Variants in CASK observed in about 807,000 individuals in gnomAD.
The protein encoded by CASK is calcium/calmodulin dependent serine protein kinase, also known as peripheral plasma membrane protein CASK.
A neutral mutation model predicts 82.9 loss-of-function variants in CASK; 4 were observed. The ratio of observed to expected loss-of-function variants is 0.05; its 90% confidence interval spans 0.02 to 0.11. CASK has a LOEUF of 0.11. CASK is among the 10% of genes least tolerant of loss of function. CASK has a pLI of 1.00. For missense variants in CASK, 358 were observed against 720.9 expected, an observed-to-expected ratio of 0.50 and a Z score of 5.76; for synonymous variants, 259 against 253.5, an observed-to-expected ratio of 1.02 and a Z score of -0.20.
At chrX:41,628,345 C>T (rs2066414168) in intron 9 of CASK, among the ~76,000 whole-genome samples, 2 of 111,986 alleles carry the variant, frequency 1.8e-5, no homozygotes. Flanking sequence ...GCTCTGTTGC[C>T]CAGGCTGGAG....
At chrX:41,765,330 C>A (rs2069090719) in intron 3 of CASK, among the ~76,000 whole-genome samples, 1 of 112,126 alleles carries the variant, frequency 8.9e-6, no homozygotes, top group Admixed American at 9.5e-5. Context: ...CTTTAAATCA[C>A]AATTTAAAAT....
chrX:41,545,639 C>T (rs189848427), intron 21 of CASK, among the ~76,000 whole-genome samples: 115 of 111,772 alleles, frequency 1.0e-3, no homozygotes, highest in African/African-American at 3.6e-3. Flanking sequence ...CTATTCCCGA[C>T]CTTGTGCATT....
intron 2 of CASK, among the ~76,000 whole-genome samples, chrX:41,827,249 G>A (rs1313426094): frequency 1.8e-5 from 2 of 111,690 alleles, no homozygotes; most frequent in African/African-American, 6.5e-5. Context: ...AGTTAAATAC[G>A]GTAAGCCAGA....
intron 9 of CASK, among the ~76,000 whole-genome samples, chrX:41,636,258 TTTAAG>T (rs1288067544): frequency 8.9e-6 from 1 of 111,822 alleles, no homozygotes; most frequent in Non-Finnish European, 1.9e-5. Context: ...TGTCAAAATA[TTTAAG>T]TTTGAAAAAA....
rs1368225080 is a variant in CASK, at chrX:41,665,424, T to G, written c.561A>C (p.Ala187=). 1 of 1,206,152 alleles carries G rather than the reference T, an allele frequency of 8.3e-7. No homozygotes were observed. Among genetic ancestry groups the G allele is most frequent in the Non-Finnish European group, 1.1e-6 (1 of 892,622 alleles). ...AAGGCTCTCTTTTGACCACTTCTGG[T>G]GCCATAAAATGAGGTGTTCCAACAC... is the stretch of plus-strand genomic sequence containing the variant. ...GGRVGTPHFM[A]PEVVKREPYG... Residue 187 remains alanine, a synonymous_variant, in exon 7 of 27, where the codon GCA becomes GCC. Transcript: ENST00000378163.
At chrX:41,777,985 AT>A (rs767469618) in intron 3 of CASK, among the ~76,000 whole-genome samples, 113 of 111,706 alleles carry the variant, frequency 1.0e-3, no homozygotes, top group African/African-American at 3.4e-3. Context: ...ACTATAGGGA[AT>A]TTATTAAACA....
At chrX:41,898,350 C>T (rs2072308703) in intron 1 of CASK, among the ~76,000 whole-genome samples, 2 of 111,322 alleles carry the variant, frequency 1.8e-5, no homozygotes, top group Non-Finnish European at 3.8e-5. Flanking sequence ...TTTTCTCAGT[C>T]TAGCTAAAGA....
At chrX:41,813,074 G>C (rs1214573207) in intron 2 of CASK, among the ~76,000 whole-genome samples, 1 of 111,392 alleles carries the variant, frequency 9.0e-6, no homozygotes, top group East Asian at 2.8e-4. Flanking sequence ...ACAAACCACT[G>C]CTCAAGGAAA....
chrX:41,588,466 A>C (rs1272897259), intron 13 of CASK: 1 of 110,909 alleles, frequency 9.0e-6, no homozygotes, highest in Non-Finnish European at 1.9e-5. Flanking sequence ...TCTATCAGCG[A>C]TATCTTAATT....
chrX:41,557,529 C>G (rs1415466275), intron 18 of CASK, among the ~76,000 whole-genome samples: 1 of 111,586 alleles, frequency 9.0e-6, no homozygotes, highest in Admixed American at 9.5e-5. Context: ...GAGTTACTAA[C>G]TGACCCAATC....
chrX:41,868,830 G>A (rs1210635552), intron 1 of CASK, among the ~76,000 whole-genome samples: 3 of 110,967 alleles, frequency 2.7e-5, no homozygotes, highest in African/African-American at 9.9e-5. Flanking sequence ...CTTCTTCTGG[G>A]GCTCATCTGC....
rs151319559 is a variant in CASK at position 41,640,633 on chromosome X, T to C, written c.832-3972A>G. Among the ~76,000 whole-genome samples the C allele has an allele frequency of 1.0e-3, 113 of 112,240 alleles. No individual in the cohort carries two copies. The East Asian group carries it at 0.025, about 25-fold the overall frequency. On this transcript the variant is annotated intron_variant, in intron 8 of 26. Transcript: ENST00000378163. ...CCCTAATGACTAATGATGAACATCT[T>C]TTCCTGTGCTTATCTGCCATCTGTA...
intron 2 of CASK, among the ~76,000 whole-genome samples, chrX:41,804,109 A>C (rs2070060848): frequency 9.0e-6 from 1 of 111,436 alleles, no homozygotes; most frequent in Non-Finnish European, 1.9e-5. Flanking sequence ...GCACTTTGGG[A>C]GGCTGAGGTG....
rs2064522740 is a variant in CASK, at chrX:41,515,008, C to T, written c.*5412G>A. On this transcript the variant is annotated 3_prime_UTR_variant, in exon 27 of 27. Transcript: ENST00000378163. ...ACAAAAGCCCAATTCTATGGTTTCCCATTACACAGCATCCTACAGGTATGT... is the reference window on the plus strand; with the variant it reads ...ACAAAAGCCCAATTCTATGGTTTCCTATTACACAGCATCCTACAGGTATGT... The T allele has an allele frequency of 8.9e-6, 1 of 112,442 alleles. No homozygotes were observed. The highest frequency in any genetic ancestry group is 9.4e-5 in the Admixed American group (1 of 10,634). The allele number at this position is 112,442 out of a possible 1,213,427, so 9.3% of individuals were successfully genotyped here.
chrX:41,881,934 G>A (rs911281640), intron 1 of CASK, among the ~76,000 whole-genome samples: 2 of 111,172 alleles, frequency 1.8e-5, no homozygotes, highest in Non-Finnish European at 3.8e-5. Context: ...GTAACCCTGG[G>A]CAAGTGGCTT....
At chrX:41,861,836 T>A (rs1328073570) in intron 1 of CASK, among the ~76,000 whole-genome samples, 1 of 101,788 alleles carries the variant, frequency 9.8e-6, no homozygotes, top group Non-Finnish European at 2.0e-5. Context: ...TATATATACA[T>A]ACAATATATA....
chrX:41,877,705 T>C (rs372814688), intron 1 of CASK, among the ~76,000 whole-genome samples: 6 of 111,842 alleles, frequency 5.4e-5, no homozygotes, highest in East Asian at 2.8e-4. Flanking sequence ...AACTATAACA[T>C]TTACCAAAGG....
chrX:41,689,588 T>A (rs897558368), intron 5 of CASK, among the ~76,000 whole-genome samples: 2 of 111,711 alleles, frequency 1.8e-5, no homozygotes, highest in African/African-American at 6.5e-5. Context: ...AAGGTGAATA[T>A]TAGATAAGAG....
At chrX:41,681,534 C>A (rs2067354614) in intron 5 of CASK, among the ~76,000 whole-genome samples, 1 of 111,788 alleles carries the variant, frequency 8.9e-6, no homozygotes, top group Non-Finnish European at 1.9e-5. Flanking sequence ...TTGAGCAGTT[C>A]ATCTCTCCAA....
Sources: allele counts gnomAD v4.1 joint callset (sites outside exome capture counted in the v4.1 genomes callset), GRCh38; gene constraint gnomAD v4.1.1; transcripts MANE v1.5; gene names NCBI Gene and HGNC (gene_info 2026-07-23, HGNC 2026-07-21).